Variants in CDHR3 observed in about 807,000 individuals in gnomAD.
CDHR3 encodes the protein cadherin-related family member 3.
A neutral mutation model predicts 86.6 loss-of-function variants in CDHR3; 79 were observed. The ratio of observed to expected loss-of-function variants is 0.91; its 90% CI spans 0.76 to 1.10. CDHR3 has a LOEUF of 1.10. Among genes scored for constraint, CDHR3 ranks in the 50% least tolerant of loss-of-function variants. The probability of loss-of-function intolerance (pLI) is 0.00; values close to 1 mark genes in which losing one functional copy is unlikely to be tolerated. For synonymous variants in CDHR3, 421 were observed against 402.4 expected, an observed-to-expected ratio of 1.05 and a Z score of -0.55; for missense variants, 1,081 against 1,077.6, an observed-to-expected ratio of 1.00 and a Z score of -0.04.
chr7:106,024,338 A>C, intron 14 of CDHR3, 43 bp from the exon 15 acceptor site: 7 of 1,561,078 alleles, frequency 4.5e-6, no homozygotes, highest in Non-Finnish European at 5.3e-6. Context: ...TGTCAAAATC[A>C]CTACCACCCT....
At chr7:105,963,612 G>T (rs948174852) in intron 1 of CDHR3, among the ~76,000 whole-genome samples, 4 of 152,114 alleles carry the variant, frequency 2.6e-5, no homozygotes. Flanking sequence ...TTTCCCTCTT[G>T]GGTTAACTGG....
intron 4 of CDHR3, 95 bp from the exon 5 acceptor site, chr7:105,994,656 G>T: frequency 2.3e-6 from 2 of 860,036 alleles, no homozygotes; most frequent in East Asian, 5.3e-5. Flanking sequence ...CGTTCCATGG[G>T]CTAAGAACAT....
At chr7:106,018,294 T>C (rs866833179) in intron 12 of CDHR3, among the ~76,000 whole-genome samples, 1 of 152,210 alleles carries the variant, frequency 6.6e-6, no homozygotes, top group Non-Finnish European at 1.5e-5. Flanking sequence ...TGGAGTACAG[T>C]GGTGTAACCT....
At chr7:105,996,677 C>T (rs1024066390) in intron 6 of CDHR3, among the ~76,000 whole-genome samples, 2 of 152,170 alleles carry the variant, frequency 1.3e-5, no homozygotes, top group Non-Finnish European at 2.9e-5. Context: ...TAAAGTGCCG[C>T]GCTTTAGTAA....
At chr7:106,010,858 A>G (rs973992196) in intron 8 of CDHR3, among the ~76,000 whole-genome samples, 2 of 152,218 alleles carry the variant, frequency 1.3e-5, no homozygotes, top group African/African-American at 4.8e-5. Flanking sequence ...AAGAGGGAGA[A>G]AAGGTAGTTG....
chr7:106,023,544 C>T (rs1246252579), intron 14 of CDHR3, among the ~76,000 whole-genome samples: 2 of 152,138 alleles, frequency 1.3e-5, no homozygotes, highest in African/African-American at 4.8e-5. Context: ...CTTCCTCCTC[C>T]TCTTCCTCCT....
At chr7:105,993,506 C>CA (rs143086518) in intron 4 of CDHR3, among the ~76,000 whole-genome samples, 15 of 148,914 alleles carry the variant, frequency 1.0e-4, no homozygotes, top group Admixed American at 2.0e-4. Flanking sequence ...CCTGTCTCTA[C>CA]AAAAAAAAAT....
rs1182505413 is a variant in CDHR3 at position 105,980,607 on chromosome 7, ATTTTTTTTTTTTTTAATT to A, written c.250-347_250-330del. On this transcript the variant is annotated intron_variant, in intron 2 of 18. Transcript: ENST00000317716. ...AAGGTTTTTTTTTTTTTTTTTTTTA[ATTTTTTTTTTTTTTAATT>A]TTTTTTTTTTTTTATTATACTCTAA... Among the ~76,000 whole-genome samples, 53 of 98,518 alleles carry A rather than the reference ATTTTTTTTTTTTTTAATT, an allele frequency of 5.4e-4. 3 individuals are homozygous for A. The highest frequency in any genetic ancestry group is 2.7e-3 in the South Asian group (9 of 3,306). The allele number at this position is 98,518 out of a possible 152,430, so 64.6% of individuals were successfully genotyped here.
chr7:105,997,563 T>A (rs1188138491), intron 6 of CDHR3, among the ~76,000 whole-genome samples: 1 of 152,064 alleles, frequency 6.6e-6, no homozygotes, highest in East Asian at 1.9e-4. Flanking sequence ...GGACTCAGGC[T>A]CAGGTATGGG....
chr7:106,001,558 C>G lies in CDHR3; in HGVS notation c.810C>G (p.Ser270Arg). 1.2e-6 allele frequency: 2 copies of G among 1,614,012 alleles called. No individual in the cohort carries two copies. Among genetic ancestry groups the G allele is most frequent in the South Asian group, 2.2e-5 (2 of 91,076 alleles). ...AEDPDDEGFP[S>R]HLLYSITTVS... ...ATCCTGATGATGAAGGTTTTCCCAGCCACCTCCTCTACAGCATTACCACTG... is the reference window on the plus strand; with the variant it reads ...ATCCTGATGATGAAGGTTTTCCCAGGCACCTCCTCTACAGCATTACCACTG... Residue 270 changes from serine to arginine, a missense_variant, in exon 7 of 19, where the codon AGC becomes AGG. By Grantham distance (110) the Ser-to-Arg change is moderately radical (BLOSUM62 -1). Transcript: ENST00000317716.
Position 106,032,654 on chromosome 7 carries a change from C to A in CDHR3, c.2615C>A (p.Ala872Asp), listed in dbSNP as rs1373578412. ...GGCAACCCAAAGAACAGAAATCCAG[C>A]CTTCATGAACAGGGCTTACCCCAAA... ...KLGNPKNRNPAFMNRAYPKPH... is the reference protein window; with the variant it reads ...KLGNPKNRNPDFMNRAYPKPH... Residue 872 changes from alanine (A) to aspartate (D), a missense_variant, in exon 19 of 19, where the codon GCC (alanine) becomes GAC (aspartate). Ala to Asp is a moderately radical substitution (Grantham distance 126). Transcript: ENST00000317716. 2 of 1,613,478 alleles carry A rather than the reference C, an allele frequency of 1.2e-6. No individual in the cohort carries two copies. The highest frequency in any genetic ancestry group is 1.3e-5 in the African/African-American group (1 of 74,878).
chr7:105,982,918 G>A (rs77652444), intron 3 of CDHR3, among the ~76,000 whole-genome samples: 22,286 of 150,864 alleles, frequency 0.15, 1,729 homozygotes, highest in African/African-American at 0.2. Flanking sequence ...GGGAGGTCGA[G>A]GCTGCAGTGA....
At chr7:105,965,684 C>T (rs563431013) in intron 1 of CDHR3, among the ~76,000 whole-genome samples, 205 of 151,682 alleles carry the variant, frequency 1.4e-3, no homozygotes, top group African/African-American at 4.7e-3. Context: ...CAGTCCAGCA[C>T]CTAATGCAGA....
chr7:106,022,100 C>T (rs1836653277), intron 13 of CDHR3, 98 bp from the exon 14 acceptor site: 1 of 1,444,172 alleles, frequency 6.9e-7, no homozygotes, highest in African/African-American at 1.4e-5. Context: ...GAGGTGTGGA[C>T]ATTTGAGAAA....
intron 8 of CDHR3, among the ~76,000 whole-genome samples, chr7:106,005,540 G>T (rs1218286883): frequency 6.6e-6 from 1 of 152,226 alleles, no homozygotes; most frequent in African/African-American, 2.4e-5. Context: ...CTAAGAGACA[G>T]CCCTGTATCT....
chr7:105,979,324 G>A (rs1027860670), intron 2 of CDHR3, among the ~76,000 whole-genome samples: 2 of 152,020 alleles, frequency 1.3e-5, no homozygotes, highest in Non-Finnish European at 2.9e-5. Context: ...CTACACTTAC[G>A]TGGCTCCTAG....
rs1386720116 is a variant in CDHR3, at chr7:106,012,861, A to G, written c.1054A>G (p.Ile352Val). ...PATCQKFTFSIMVPERTAKGT... is the reference protein window; with the variant it reads ...PATCQKFTFSVMVPERTAKGT... ...TACTGGATTGTGTCTTTTCACCAGC[A>G]TTATGGTGCCGGAAAGAACAGCCAA... The change falls in exon 9 of 19, where the codon ATT (isoleucine) becomes GTT (valine). Residue 352 changes from isoleucine to valine, a missense_variant and splice_region_variant. Coordinates refer to ENST00000317716, the MANE Select transcript of CDHR3 (RefSeq NM_152750.5). 1.1e-5 allele frequency: 17 copies of G among 1,600,210 alleles called. No homozygotes were observed. The East Asian group carries it at 3.8e-4, about 36-fold the overall frequency.
chr7:106,009,533 C>A (rs991333060), intron 8 of CDHR3, among the ~76,000 whole-genome samples: 1 of 152,246 alleles, frequency 6.6e-6, no homozygotes, highest in Non-Finnish European at 1.5e-5. Context: ...TCCTTGGAGG[C>A]TGTGGGCGCG....
intron 3 of CDHR3, 123 bp downstream of exon 3, chr7:105,981,256 T>A: frequency 1.1e-6 from 1 of 898,880 alleles, no homozygotes; most frequent in Non-Finnish European, 1.7e-6. Flanking sequence ...GGCAGCTGCT[T>A]AATGAGCAGG....
Sources: gnomAD v4.1 joint callset for allele counts (sites outside exome capture counted in the v4.1 genomes callset) on GRCh38, gnomAD v4.1.1 for gene constraint, MANE v1.5 for transcripts, NCBI Gene and HGNC (gene_info 2026-07-23, HGNC 2026-07-21) for gene names.